VSTM2A: variants seen among roughly 807,000 people sequenced by gnomAD.
The protein encoded by VSTM2A is V-set and transmembrane domain-containing protein 2A.
Under a neutral mutation model 27.3 loss-of-function variants are expected in VSTM2A, and 13 were observed. That is an observed-to-expected ratio of 0.48 (90% CI 0.31 to 0.76). VSTM2A has a LOEUF of 0.76. Among genes scored for constraint, VSTM2A ranks in the 30% least tolerant of loss-of-function variants. The probability of loss-of-function intolerance (pLI) is 0.05; values close to 1 mark genes in which losing one functional copy is unlikely to be tolerated. For missense variants in VSTM2A, 280 were observed against 310.0 expected (o/e 0.90, Z 0.73); for synonymous variants, 142 against 125.7 (o/e 1.13, Z -0.87).
At position 54,542,660 on chromosome 7, in the gene VSTM2A, C is replaced by T; in HGVS notation, c.-71C>T. 1 of 1,377,238 alleles carries T rather than the reference C, an allele frequency of 7.3e-7. No homozygotes were observed. The highest frequency in any genetic ancestry group is 1.2e-5 in the South Asian group (1 of 81,210). 85.3% of individuals were successfully genotyped at this position (1,377,238 alleles called of 1,614,324 possible). ...GGGCTCTGAGACTGAGCCTGCCATCCACTCGCACGCCTTTCTTTCAGGGCT... is the reference window on the plus strand; with the variant it reads ...GGGCTCTGAGACTGAGCCTGCCATCTACTCGCACGCCTTTCTTTCAGGGCT... On this transcript the variant is annotated 5_prime_UTR_variant, in exon 1 of 5. Coordinates refer to ENST00000402613, the MANE Select transcript of VSTM2A (RefSeq NM_001301009.2).
chr7:54,543,426 C>T (rs906824132), intron 1 of VSTM2A, among the ~76,000 whole-genome samples: 2 of 152,188 alleles, frequency 1.3e-5, no homozygotes, highest in East Asian at 1.9e-4. Flanking sequence ...ATCACTTCTG[C>T]AAGCAGAAAT....
chr7:54,549,280 G>T (rs1416322745), intron 3 of VSTM2A, among the ~76,000 whole-genome samples: 1 of 152,070 alleles, frequency 6.6e-6, no homozygotes, highest in African/African-American at 2.4e-5. Context: ...CTAGAGGCAA[G>T]ACTGCATCTA....
intron 4 of VSTM2A, among the ~76,000 whole-genome samples, chr7:54,561,116 A>G (rs1323777370): frequency 1.3e-5 from 2 of 152,202 alleles, no homozygotes. Context: ...TAGAATCACA[A>G]CCACTAAATA....
intron 2 of VSTM2A, chr7:54,546,706 G>T: frequency 2.0e-6 from 1 of 491,038 alleles, no homozygotes; most frequent in Non-Finnish European, 3.6e-6. Context: ...ACAGCCCCGG[G>T]ACAGCCCCGG....
intron 4 of VSTM2A, chr7:54,553,759 T>G: frequency 8.2e-5 from 117 of 1,423,490 alleles, no homozygotes; most frequent in Non-Finnish European, 7.6e-5. Context: ...ATGGAGTGGT[T>G]TAGGTCCCTC....
intron 2 of VSTM2A, 94 bp from the exon 3 acceptor site, chr7:54,546,853 C>G: frequency 6.7e-7 from 1 of 1,497,522 alleles, no homozygotes; most frequent in Non-Finnish European, 8.9e-7. Context: ...GTCACCCTGA[C>G]GGCCCTGCCC....
At chr7:54,550,307 A>G in intron 4 of VSTM2A, 137 bp downstream of exon 4, 1 of 1,485,110 alleles carries the variant, frequency 6.7e-7, no homozygotes, top group Non-Finnish European at 9.0e-7. Flanking sequence ...TGATTATGAG[A>G]GGTGAGCACC....
At chr7:54,565,378 C>T (rs1240603466) in intron 4 of VSTM2A, among the ~76,000 whole-genome samples, 1 of 152,180 alleles carries the variant, frequency 6.6e-6, no homozygotes, top group Non-Finnish European at 1.5e-5. Flanking sequence ...TAGGTTCAGC[C>T]GTTTTGGAGG....
intron 4 of VSTM2A, among the ~76,000 whole-genome samples, chr7:54,555,342 T>C (rs1315821527): frequency 6.6e-6 from 1 of 152,244 alleles, no homozygotes. Context: ...TTAGTTTTTG[T>C]AGTCTAACTC....
rs760621603 is a variant in VSTM2A, at chr7:54,550,028, C to T, written c.492C>T (p.Pro164=). 6.2e-7 allele frequency: 1 copy of T among 1,611,070 alleles called. No individual in the cohort carries two copies. The highest frequency in any genetic ancestry group is 2.2e-5 in the East Asian group (1 of 44,784). Reference sequence around the variant, plus strand: ...GAATGCAGGCCTTCGAAGCCTCGCCCATGTGGCTGCAGGATATGAAGCCCC... The same window carrying T: ...GAATGCAGGCCTTCGAAGCCTCGCCTATGTGGCTGCAGGATATGAAGCCCC... ...ARRMQAFEAS[P]MWLQDMKPRK... is the part of the protein sequence containing the mutation. The change falls in exon 4 of 5, where the codon CCC becomes CCT. Residue 164 remains proline, a synonymous_variant. Transcript: ENST00000402613.
chr7:54,566,907 T>C (rs1219402572), intron 4 of VSTM2A, among the ~76,000 whole-genome samples: 1 of 152,218 alleles, frequency 6.6e-6, no homozygotes. Flanking sequence ...AATATTTCCA[T>C]ACAATAAACC....
chr7:54,569,171 A>C lies in VSTM2A; in HGVS notation c.675A>C (p.Ala225=). 6.4e-7 allele frequency: 1 copy of C among 1,552,232 alleles called. No individual in the cohort carries two copies. Among genetic ancestry groups the C allele is most frequent in the South Asian group, 1.2e-5 (1 of 84,172 alleles). ...KSPVKSTERT[A]KLTLNSKHHP... is the part of the protein sequence containing the mutation. ...CTGTAAAATCTACGGAGCGGACAGCAAAGTTGACCCTAAACTCCAAGCACC... is the reference window on the plus strand; with the variant it reads ...CTGTAAAATCTACGGAGCGGACAGCCAAGTTGACCCTAAACTCCAAGCACC... Residue 225 remains alanine, a synonymous_variant, in exon 5 of 5, where the codon GCA becomes GCC. Coordinates refer to ENST00000402613, the MANE Select transcript of VSTM2A (RefSeq NM_001301009.2).
chr7:54,562,282 T>C (rs1788586292), intron 4 of VSTM2A, among the ~76,000 whole-genome samples: 1 of 152,246 alleles, frequency 6.6e-6, no homozygotes, highest in Non-Finnish European at 1.5e-5. Flanking sequence ...CATAAGAAGA[T>C]ATGTGGAAAA....
chr7:54,553,851 T>G, intron 4 of VSTM2A: 1 of 1,551,234 alleles, frequency 6.4e-7, no homozygotes, highest in Non-Finnish European at 8.7e-7. Context: ...TACTTGTTTC[T>G]TCCTGTCTCA....
intron 4 of VSTM2A, among the ~76,000 whole-genome samples, chr7:54,555,134 T>C (rs1331323676): frequency 6.6e-6 from 1 of 152,220 alleles, no homozygotes; most frequent in Non-Finnish European, 1.5e-5. Context: ...TCCTAGTAAT[T>C]GTCTCCCTAA....
intron 1 of VSTM2A, among the ~76,000 whole-genome samples, chr7:54,544,393 C>T (rs1273915452): frequency 1.3e-5 from 2 of 152,172 alleles, no homozygotes; most frequent in Non-Finnish European, 2.9e-5. Flanking sequence ...GCTTGTTAAC[C>T]TTTCCATTAT....
rs946384292 is a variant in VSTM2A at position 54,544,781 on chromosome 7, G to C, written c.239G>C (p.Gly80Ala). Residue 80 changes from glycine (G) to alanine (A), a missense_variant, in exon 2 of 5, where the codon GGC becomes GCC. Physicochemically the swap from Gly to Ala is moderately conservative, Grantham distance 60 (BLOSUM62 0). Coordinates refer to ENST00000402613, the MANE Select transcript of VSTM2A (RefSeq NM_001301009.2). Reference protein sequence around the residue: ...EDLDPGAEGAGAQVELLPDRD... With the variant: ...EDLDPGAEGAAAQVELLPDRD... ...CTGGATCCCGGGGCCGAGGGGGCCG[G>C]CGCGCAGGTAGCGGAGCCCGCCGAC... The C allele has an allele frequency of 6.2e-7, 1 of 1,606,156 alleles. No individual in the cohort carries two copies. Among genetic ancestry groups the C allele is most frequent in the African/African-American group, 1.3e-5 (1 of 74,714 alleles).
chr7:54,555,676 G>A (rs749692309), intron 4 of VSTM2A, among the ~76,000 whole-genome samples: 2 of 152,128 alleles, frequency 1.3e-5, no homozygotes, highest in Non-Finnish European at 2.9e-5. Flanking sequence ...AAGCAAACTA[G>A]GACAGTTTAT....
chr7:54,565,371 G>T (rs1168572661), intron 4 of VSTM2A, among the ~76,000 whole-genome samples: 3 of 152,200 alleles, frequency 2.0e-5, no homozygotes, highest in Non-Finnish European at 4.4e-5. Flanking sequence ...TCCCCAATAG[G>T]TTCAGCCGTT....
Sources: allele counts gnomAD v4.1 joint callset (sites outside exome capture counted in the v4.1 genomes callset), GRCh38; gene constraint gnomAD v4.1.1; transcripts MANE v1.5; gene names NCBI Gene and HGNC (gene_info 2026-07-23, HGNC 2026-07-21).